SH3RF1: variants seen among roughly 807,000 people sequenced by gnomAD.
The protein encoded by SH3RF1 is E3 ubiquitin-protein ligase SH3RF1.
SH3RF1 carries 32 observed loss-of-function variants against 74.0 expected under a neutral mutation model. The ratio of observed to expected loss-of-function variants is 0.43; its 90% CI spans 0.33 to 0.58. The LOEUF is 0.58. Ranked by LOEUF, SH3RF1 falls within the 20% of genes least tolerant of loss-of-function variation. The pLI is 0.05. For synonymous variants in SH3RF1, 396 were observed against 439.6 expected (o/e 0.90, Z 1.24); for missense variants, 954 against 1,130.9 (o/e 0.84, Z 2.24).
intron 2 of SH3RF1, among the ~76,000 whole-genome samples, chr4:169,158,848 G>A (rs1352599628): frequency 1.3e-5 from 2 of 152,142 alleles, no homozygotes; most frequent in Non-Finnish European, 2.9e-5. Context: ...TTAGAGTCTG[G>A]ACTACCTATA....
chr4:169,184,072 T>C (rs1734564555), intron 2 of SH3RF1, among the ~76,000 whole-genome samples: 2 of 152,178 alleles, frequency 1.3e-5, no homozygotes, highest in Non-Finnish European at 2.9e-5. Flanking sequence ...AAACAATCTT[T>C]GAGGACTAAT....
At chr4:169,216,474 T>C (rs1280363924) in intron 2 of SH3RF1, among the ~76,000 whole-genome samples, 1 of 152,176 alleles carries the variant, frequency 6.6e-6, no homozygotes, top group Non-Finnish European at 1.5e-5. Context: ...GCTCCTTTTA[T>C]TGTTGTTGTG....
chr4:169,208,357 TTAATCATA>T (rs1236455258), intron 2 of SH3RF1, among the ~76,000 whole-genome samples: 2 of 152,078 alleles, frequency 1.3e-5, no homozygotes, highest in African/African-American at 4.8e-5. Flanking sequence ...CCTCTCACTT[TTAATCATA>T]TGCCTAAAGA....
At chr4:169,214,389 C>T (rs1579142218) in intron 2 of SH3RF1, among the ~76,000 whole-genome samples, 1 of 152,166 alleles carries the variant, frequency 6.6e-6, no homozygotes, top group Admixed American at 6.5e-5. Flanking sequence ...CCAATTAAAC[C>T]TTTTTTTCTT....
At chr4:169,178,317 A>ACTATGCTTATTTAAAAAAATAAGCAC (rs2126977240) in intron 2 of SH3RF1, among the ~76,000 whole-genome samples, 1 of 49,980 alleles carries the variant, frequency 2.0e-5, no homozygotes, top group Non-Finnish European at 5.9e-5. Flanking sequence ...AAAATAAGCA[A>ACTATGCTTATTTAAAAAAATAAGCAC]CTATGCTTAT....
At chr4:169,261,829 C>CT (rs780078021) in intron 2 of SH3RF1, among the ~76,000 whole-genome samples, 3 of 152,004 alleles carry the variant, frequency 2.0e-5, no homozygotes, top group Non-Finnish European at 4.4e-5. Flanking sequence ...TATTGGAAGC[C>CT]TTGATTTTCT....
intron 2 of SH3RF1, among the ~76,000 whole-genome samples, chr4:169,194,196 T>C (rs1227964541): frequency 2.0e-5 from 3 of 152,200 alleles, no homozygotes; most frequent in Admixed American, 2.0e-4. Flanking sequence ...GTGTCTGTTT[T>C]AGGCTTTTTG....
At chr4:169,255,515 G>A (rs560325465) in intron 2 of SH3RF1, among the ~76,000 whole-genome samples, 1 of 151,892 alleles carries the variant, frequency 6.6e-6, no homozygotes, top group African/African-American at 2.4e-5. Flanking sequence ...GAAGTGAGGG[G>A]AAGGGTGGGC....
chr4:169,147,610 C>T (rs1018708499), intron 4 of SH3RF1, among the ~76,000 whole-genome samples: 9 of 152,160 alleles, frequency 5.9e-5, no homozygotes, highest in African/African-American at 1.7e-4. Context: ...GAGGAATTTT[C>T]GCCCCACAAA....
intron 8 of SH3RF1, among the ~76,000 whole-genome samples, chr4:169,117,987 A>C (rs189750199): frequency 5.2e-4 from 79 of 152,384 alleles, no homozygotes; most frequent in Middle Eastern, 3.4e-3. Context: ...ATTCTGAGTC[A>C]CCAGAAACCA....
intron 2 of SH3RF1, among the ~76,000 whole-genome samples, chr4:169,195,650 A>C (rs987817909): frequency 1.3e-5 from 2 of 151,714 alleles, no homozygotes; most frequent in African/African-American, 4.8e-5. Context: ...TTTCTTTTAC[A>C]TATTTTCTTT....
intron 11 of SH3RF1, among the ~76,000 whole-genome samples, chr4:169,098,903 C>A (rs966022733): frequency 2.0e-5 from 3 of 152,164 alleles, no homozygotes; most frequent in Admixed American, 6.6e-5. Flanking sequence ...AAAATATTAG[C>A]TCCCATTATG....
At chr4:169,112,092 T>C (rs1000930018) in intron 10 of SH3RF1, among the ~76,000 whole-genome samples, 1 of 152,150 alleles carries the variant, frequency 6.6e-6, no homozygotes, top group East Asian at 1.9e-4. Flanking sequence ...GAGGGGGCAA[T>C]AGACACGCTA....
chr4:169,184,841 A>G (rs567126355), intron 2 of SH3RF1, among the ~76,000 whole-genome samples: 1 of 152,328 alleles, frequency 6.6e-6, no homozygotes, highest in Admixed American at 6.5e-5. Context: ...AACTGGACTA[A>G]GCAGTAGAAA....
chr4:169,186,875 G>A (rs1165791471), intron 2 of SH3RF1, among the ~76,000 whole-genome samples: 20 of 151,036 alleles, frequency 1.3e-4, no homozygotes, highest in African/African-American at 3.4e-4. Context: ...TTAGCGGGGC[G>A]TGGTGGCGGG....
chr4:169,245,216 C>A (rs1335321252), intron 2 of SH3RF1, among the ~76,000 whole-genome samples: 1 of 152,152 alleles, frequency 6.6e-6, no homozygotes, highest in Non-Finnish European at 1.5e-5. Context: ...TTTAACGCTA[C>A]CAACTACTAA....
At chr4:169,190,241 A>T (rs965939490) in intron 2 of SH3RF1, among the ~76,000 whole-genome samples, 1 of 152,224 alleles carries the variant, frequency 6.6e-6, no homozygotes, top group Non-Finnish European at 1.5e-5. Context: ...AGCAAATGAA[A>T]TTGAAACAAA....
At chr4:169,123,295 C>A (rs1180240815) in intron 6 of SH3RF1, among the ~76,000 whole-genome samples, 1 of 152,190 alleles carries the variant, frequency 6.6e-6, no homozygotes, top group Admixed American at 6.5e-5. Flanking sequence ...ATACATCTGG[C>A]TGTTAATATA....
chr4:169,151,925 G>T (rs192027857), intron 4 of SH3RF1, among the ~76,000 whole-genome samples: 1 of 152,216 alleles, frequency 6.6e-6, no homozygotes, highest in Admixed American at 6.5e-5. Flanking sequence ...CATATTTTTT[G>T]CTTGCTTAAG....
Sources: gnomAD v4.1 joint callset for allele counts (sites outside exome capture counted in the v4.1 genomes callset) on GRCh38, gnomAD v4.1.1 for gene constraint, MANE v1.5 for transcripts, NCBI Gene and HGNC (gene_info 2026-07-23, HGNC 2026-07-21) for gene names.